CERK: variants seen among roughly 807,000 people sequenced by gnomAD.
CERK encodes the protein ceramide kinase.
A neutral mutation model predicts 63.4 loss-of-function variants in CERK; 39 were observed. The observed-to-expected ratio is 0.61, with a 90% confidence interval of 0.48 to 0.80. CERK has a LOEUF of 0.80. Ranked by LOEUF, CERK falls within the 30% of genes least tolerant of loss-of-function variation. CERK has a pLI of 0.00. For synonymous variants in CERK, 302 were observed against 280.0 expected (o/e 1.08, Z -0.78); for missense variants, 670 against 714.1 (o/e 0.94, Z 0.70).
intron 6 of CERK, among the ~76,000 whole-genome samples, chr22:46,707,423 T>G (rs536051342): frequency 6.6e-6 from 1 of 152,116 alleles, no homozygotes; most frequent in African/African-American, 2.4e-5. Flanking sequence ...CGCCCCCACC[T>G]TTCCCACTCA....
chr22:46,720,278 G>A (rs2082885793), intron 2 of CERK, 70 bp from the exon 3 acceptor site: 3 of 1,539,566 alleles, frequency 1.9e-6, no homozygotes, highest in Middle Eastern at 3.5e-4. Context: ...AAGTGAATAT[G>A]CACCAAATGC....
chr22:46,690,278 G>T, intron 11 of CERK, 78 bp from the exon 12 acceptor site: 1 of 1,156,382 alleles, frequency 8.6e-7, no homozygotes. Flanking sequence ...CCCCAGGCCT[G>T]ACAGCGAGCG....
chr22:46,723,596 G>A (rs903843724), intron 1 of CERK, among the ~76,000 whole-genome samples: 4 of 152,122 alleles, frequency 2.6e-5, no homozygotes, highest in African/African-American at 7.2e-5. Flanking sequence ...TCCAGCCTGG[G>A]CAACAAAGTG....
At position 46,687,187 on chromosome 22, in the gene CERK, G is replaced by T. The variant is rs528883036; in HGVS notation, c.1561C>A (p.Arg521=). 5 of 1,614,072 alleles carry T rather than the reference G, an allele frequency of 3.1e-6. No homozygotes were observed. Among genetic ancestry groups the T allele is most frequent in the Non-Finnish European group, 4.2e-6 (5 of 1,180,012 alleles). The part of the protein sequence containing the change: ...IEVRVHCQLV[R]LFARGIEENP... Reference sequence around the variant, plus strand: ...TCTTCAATTCCTCGTGCAAAGAGTCGAACCAGCTGGCAGTGGACTCTGCAG... The same window carrying T: ...TCTTCAATTCCTCGTGCAAAGAGTCTAACCAGCTGGCAGTGGACTCTGCAG... Residue 521 remains arginine (R), a synonymous_variant, in exon 13 of 13, where the codon CGA becomes AGA. Transcript: ENST00000216264.
intron 3 of CERK, among the ~76,000 whole-genome samples, chr22:46,712,559 G>C (rs921920340): frequency 1.3e-5 from 2 of 152,212 alleles, no homozygotes; most frequent in Non-Finnish European, 2.9e-5. Flanking sequence ...CGACTGAGAA[G>C]GGCTCTCTCT....
chr22:46,695,169 C>A, intron 9 of CERK, 41 bp downstream of exon 9: 2 of 1,034,244 alleles, frequency 1.9e-6, no homozygotes, highest in Admixed American at 2.0e-5. Flanking sequence ...TGCTTCATTT[C>A]CCGTCATTTG....
intron 12 of CERK, among the ~76,000 whole-genome samples, chr22:46,689,201 GCTC>G (rs1268201674): frequency 6.6e-6 from 1 of 152,102 alleles, no homozygotes; most frequent in Admixed American, 6.6e-5. Flanking sequence ...TCCCTCTGGG[GCTC>G]CTCCTCTCCT....
chr22:46,724,546 G>A (rs1461337968), intron 1 of CERK, among the ~76,000 whole-genome samples: 1 of 152,198 alleles, frequency 6.6e-6, no homozygotes, highest in East Asian at 1.9e-4. Context: ...TGGACTTGGC[G>A]TGGCTTTGGC....
intron 1 of CERK, among the ~76,000 whole-genome samples, chr22:46,724,035 T>C (rs2082905800): frequency 6.6e-6 from 1 of 152,052 alleles, no homozygotes; most frequent in Non-Finnish European, 1.5e-5. Context: ...CTCACTTGCC[T>C]CTCTTGCCTC....
chr22:46,720,133 A>C lies in CERK; in HGVS notation c.332T>G (p.Leu111Arg). ...CAGGGTCTGCAGCCACAAGTGACAC[A>C]GCTGCTCCTCTGGACACCAGAAAGT... The part of the protein sequence containing the change: ...QVTFWCPEEQ[L>R]CHLWLQTLRE... The change falls in exon 3 of 13, where the codon CTG (leucine) becomes CGG (arginine). Residue 111 changes from leucine to arginine, a missense_variant. Physicochemically the swap from Leu to Arg is moderately radical, Grantham distance 102. Coordinates refer to ENST00000216264, the MANE Select transcript of CERK (RefSeq NM_022766.6). 6.2e-7 allele frequency: 1 copy of C among 1,614,136 alleles called. No homozygotes were observed. The highest frequency in any genetic ancestry group is 8.5e-7 in the Non-Finnish European group (1 of 1,180,028).
At chr22:46,728,058 G>T (rs943417136) in intron 1 of CERK, among the ~76,000 whole-genome samples, 1 of 152,142 alleles carries the variant, frequency 6.6e-6, no homozygotes, top group African/African-American at 2.4e-5. Context: ...ACACACCTGC[G>T]CAGCCCCTGT....
In CERK at chr22:46,690,685, G is replaced by C. The variant is rs2082725905; in HGVS notation, c.1333-485C>G. Among the ~76,000 whole-genome samples the C allele has an allele frequency of 1.3e-5, 2 of 152,298 alleles. 1 individual carries two copies. The highest frequency in any genetic ancestry group is 4.2e-4 in the South Asian group (2 of 4,816). On this transcript the variant is annotated intron_variant, in intron 11 of 12. Coordinates refer to ENST00000216264, the MANE Select transcript of CERK (RefSeq NM_022766.6). ...AAATGTGACTAAATTTGGAGACTGT[G>C]ACCAAAAGTTCCGCTTCCCCCAACA...
At chr22:46,728,454 G>C (rs747072620) in intron 1 of CERK, among the ~76,000 whole-genome samples, 1 of 152,148 alleles carries the variant, frequency 6.6e-6, no homozygotes, top group Non-Finnish European at 1.5e-5. Context: ...TCCCCAACCT[G>C]TGAGCTCAGC....
intron 12 of CERK, among the ~76,000 whole-genome samples, chr22:46,687,608 G>A (rs1392306868): frequency 2.1e-5 from 3 of 145,436 alleles, no homozygotes; most frequent in African/African-American, 7.5e-5. Flanking sequence ...CATTTTCTCA[G>A]CAGTACTGAG....
Position 46,712,267 on chromosome 22 carries a change from A to G in CERK, c.406T>C (p.Phe136Leu). 6.2e-7 allele frequency: 1 copy of G among 1,614,098 alleles called. No homozygotes were observed. ...CCTTTTCCTCCAAACGGGTTGATAA[A>G]TACCAGTAAATGCTTTGGTCTGGAC... ...LTSRPKHLLV[F>L]INPFGGKGQG... Residue 136 changes from phenylalanine to leucine, a missense_variant, in exon 4 of 13, where the codon TTT becomes CTT. Coordinates refer to ENST00000216264, the MANE Select transcript of CERK (RefSeq NM_022766.6).
intron 1 of CERK, chr22:46,735,621 C>T (rs2082969256): frequency 6.6e-6 from 1 of 152,292 alleles, no homozygotes; most frequent in African/African-American, 2.4e-5. Flanking sequence ...CAGGGCTGCT[C>T]CTGCCTCATC....
chr22:46,733,200 C>A (rs575761273), intron 1 of CERK, among the ~76,000 whole-genome samples: 1 of 107,182 alleles, frequency 9.3e-6, no homozygotes, highest in African/African-American at 3.3e-5. Context: ...CAGAGTGGGA[C>A]TCTGTCTCAA....
intron 3 of CERK, among the ~76,000 whole-genome samples, chr22:46,719,148 T>TTGTG (rs10583580): frequency 1.4e-3 from 203 of 150,000 alleles, no homozygotes; most frequent in African/African-American, 4.1e-3. Flanking sequence ...ACCTACCACT[T>TTGTG]TGTGTGTGTG....
At chr22:46,722,163 C>T (rs959754891) in intron 1 of CERK, among the ~76,000 whole-genome samples, 1 of 152,162 alleles carries the variant, frequency 6.6e-6, no homozygotes, top group Non-Finnish European at 1.5e-5. Context: ...GCTATAAAAC[C>T]TGCAATATAG....
Sources: gnomAD v4.1 joint callset for allele counts (sites outside exome capture counted in the v4.1 genomes callset) on GRCh38, gnomAD v4.1.1 for gene constraint, MANE v1.5 for transcripts, NCBI Gene and HGNC (gene_info 2026-07-23, HGNC 2026-07-21) for gene names.